Variants in FHIT observed in about 807,000 individuals in gnomAD.
The protein encoded by FHIT is fragile histidine triad diadenosine triphosphatase.
FHIT carries 19 observed loss-of-function variants against 17.9 expected under a neutral mutation model. The ratio of observed to expected loss-of-function variants is 1.06; its 90% CI spans 0.74 to 1.56. The LOEUF (loss-of-function observed/expected upper bound fraction) is 1.56. Ranked by LOEUF, FHIT falls within the 40% of genes most tolerant of loss-of-function variation. The pLI is 0.00. For synonymous variants in FHIT, 81 were observed against 69.7 expected (o/e 1.16, Z -0.81); for missense variants, 248 against 189.2 (o/e 1.31, Z -1.82).
chr3:60,189,737 T>G (rs1000614053), intron 5 of FHIT, among the ~76,000 whole-genome samples: 1 of 152,230 alleles, frequency 6.6e-6, no homozygotes, highest in Non-Finnish European at 1.5e-5. Context: ...CTCTCTGACA[T>G]TTACCCACGT....
intron 1 of FHIT, among the ~76,000 whole-genome samples, chr3:61,232,108 G>A (rs1422226357): frequency 6.6e-6 from 1 of 152,230 alleles, no homozygotes; most frequent in Non-Finnish European, 1.5e-5. Flanking sequence ...TGGGGGCCGG[G>A]CATGGTGGCT....
At chr3:61,114,360 G>A (rs1197448935) in intron 2 of FHIT, among the ~76,000 whole-genome samples, 1 of 152,162 alleles carries the variant, frequency 6.6e-6, no homozygotes, top group African/African-American at 2.4e-5. Flanking sequence ...ATAACATTTT[G>A]TCTTATTAAC....
intron 4 of FHIT, among the ~76,000 whole-genome samples, chr3:60,574,434 C>A (rs1336452532): frequency 6.6e-6 from 1 of 151,226 alleles, no homozygotes; most frequent in African/African-American, 2.4e-5. Context: ...CCAACTGTTG[C>A]TGTATCAGCT....
intron 5 of FHIT, among the ~76,000 whole-genome samples, chr3:60,109,694 C>T (rs568532545): frequency 2.5e-4 from 38 of 152,234 alleles, no homozygotes; most frequent in African/African-American, 7.7e-4. Context: ...CTGAGACTTA[C>T]CAAGAAGAAA....
intron 8 of FHIT, among the ~76,000 whole-genome samples, chr3:59,811,268 T>G (rs1243134179): frequency 6.6e-6 from 1 of 152,218 alleles, no homozygotes; most frequent in East Asian, 1.9e-4. Flanking sequence ...TATAACTAAC[T>G]GCTCATTTTG....
chr3:61,125,572 C>T (rs183928311), intron 2 of FHIT, among the ~76,000 whole-genome samples: 1 of 152,272 alleles, frequency 6.6e-6, no homozygotes, highest in East Asian at 1.9e-4. Context: ...AATCAAATCA[C>T]TCAATTCTTA....
intron 4 of FHIT, among the ~76,000 whole-genome samples, chr3:60,590,898 G>A (rs2038062936): frequency 6.6e-6 from 1 of 152,046 alleles, no homozygotes. Context: ...GGGAATCAGG[G>A]AAGGCTTCCA....
At chr3:59,837,943 C>T (rs1701396502) in intron 8 of FHIT, among the ~76,000 whole-genome samples, 2 of 152,194 alleles carry the variant, frequency 1.3e-5, no homozygotes, top group South Asian at 2.1e-4. Context: ...TAGAACAGTG[C>T]CTAGTACCCT....
Position 60,276,103 on chromosome 3 carries a change from T to C in FHIT, c.103+260757A>G, listed in dbSNP as rs191384495. On this transcript the variant is annotated intron_variant, in intron 5 of 9. Transcript: ENST00000492590. ...CCTGGGTTCACGCCATTCTCCTGCC[T>C]CAGCCTCCTGAGTAGCCGGGACTAT... is the stretch of plus-strand genomic sequence containing the variant. 4.7e-3 allele frequency among the ~76,000 whole-genome samples: 720 copies of C among 152,028 alleles called. 5 individuals carry two copies. Among genetic ancestry groups the C allele is most frequent in the African/African-American group, 0.017 (686 of 41,472 alleles).
intron 5 of FHIT, among the ~76,000 whole-genome samples, chr3:60,086,884 G>C (rs1165468859): frequency 6.6e-6 from 1 of 152,132 alleles, no homozygotes; most frequent in Non-Finnish European, 1.5e-5. Flanking sequence ...TGTATAATTT[G>C]GGAGTCCCTT....
chr3:59,949,689 C>A (rs1166443259), intron 7 of FHIT, among the ~76,000 whole-genome samples: 1 of 152,170 alleles, frequency 6.6e-6, no homozygotes, highest in East Asian at 1.9e-4. Context: ...CTATTTACGC[C>A]AACCTGGGGC....
intron 4 of FHIT, among the ~76,000 whole-genome samples, chr3:60,606,195 C>G (rs1410991187): frequency 6.6e-6 from 1 of 151,992 alleles, no homozygotes; most frequent in African/African-American, 2.4e-5. Context: ...TAGCAAACAT[C>G]ACTTGTTCAG....
intron 5 of FHIT, among the ~76,000 whole-genome samples, chr3:60,086,077 C>T (rs563434277): frequency 6.6e-6 from 1 of 152,292 alleles, no homozygotes; most frequent in East Asian, 1.9e-4. Context: ...TCTTCATCAT[C>T]TCATGGCAGA....
At chr3:59,786,307 C>A (rs36106720) in intron 8 of FHIT, among the ~76,000 whole-genome samples, 1 of 152,172 alleles carries the variant, frequency 6.6e-6, no homozygotes, top group Non-Finnish European at 1.5e-5. Context: ...CCCCCACTGG[C>A]TAATGCAAAA....
At chr3:60,027,774 G>T (rs60376328) in intron 5 of FHIT, among the ~76,000 whole-genome samples, 1 of 151,082 alleles carries the variant, frequency 6.6e-6, no homozygotes, top group African/African-American at 2.4e-5. Context: ...TGGATTTTCA[G>T]TGTTATTGAT....
At chr3:60,400,913 T>C (rs1466902714) in intron 5 of FHIT, among the ~76,000 whole-genome samples, 1 of 151,998 alleles carries the variant, frequency 6.6e-6, no homozygotes, top group East Asian at 1.9e-4. Context: ...TTAATCCAAA[T>C]TCTTTGGTTA....
intron 4 of FHIT, among the ~76,000 whole-genome samples, chr3:60,539,320 C>A (rs146620759): frequency 6.6e-6 from 1 of 152,076 alleles, no homozygotes; most frequent in Non-Finnish European, 1.5e-5. Flanking sequence ...TGTGGAGAAA[C>A]AGGAACACTT....
intron 3 of FHIT, among the ~76,000 whole-genome samples, chr3:61,012,430 T>C (rs1048855141): frequency 2.0e-5 from 3 of 152,130 alleles, no homozygotes; most frequent in African/African-American, 7.2e-5. Flanking sequence ...TACTATATGA[T>C]TTTTGGCATA....
intron 4 of FHIT, among the ~76,000 whole-genome samples, chr3:60,691,990 G>C (rs1441473913): frequency 6.6e-6 from 1 of 152,126 alleles, no homozygotes; most frequent in Non-Finnish European, 1.5e-5. Flanking sequence ...GACCGTGTTT[G>C]CCAAGAAAAA....
Sources: gnomAD v4.1 joint callset for allele counts (sites outside exome capture counted in the v4.1 genomes callset) on GRCh38, gnomAD v4.1.1 for gene constraint, MANE v1.5 for transcripts, NCBI Gene and HGNC (gene_info 2026-07-23, HGNC 2026-07-21) for gene names.